Variants in CALN1 observed in about 807,000 individuals in gnomAD.
CALN1 encodes calcium-binding protein 8.
Under a neutral mutation model 30.6 loss-of-function variants are expected in CALN1, and 17 were observed. That is an observed-to-expected ratio of 0.56 (90% CI 0.38 to 0.83). The LOEUF (loss-of-function observed/expected upper bound fraction) is 0.83, where lower values mean the gene tolerates loss of function less well. CALN1 is among the 40% of genes least tolerant of loss of function. The probability of loss-of-function intolerance (pLI) is 0.00; values close to 1 mark genes in which losing one functional copy is unlikely to be tolerated. For missense variants in CALN1, 291 were observed against 354.9 expected (o/e 0.82, Z 1.45); for synonymous variants, 156 against 131.4 (o/e 1.19, Z -1.28).
intron 3 of CALN1, among the ~76,000 whole-genome samples, chr7:72,179,573 T>C (rs1789609250): frequency 6.6e-6 from 1 of 151,974 alleles, no homozygotes; most frequent in Non-Finnish European, 1.5e-5. Flanking sequence ...TAAATATATA[T>C]ATATGAATAT....
At chr7:71,948,468 G>A (rs769822192) in intron 5 of CALN1, among the ~76,000 whole-genome samples, 40 of 152,072 alleles carry the variant, frequency 2.6e-4, no homozygotes, top group Admixed American at 2.0e-4. Context: ...ATTGGCTTAT[G>A]CCTGTAATCC....
At chr7:72,064,095 G>A (rs999403644) in intron 4 of CALN1, among the ~76,000 whole-genome samples, 24 of 151,970 alleles carry the variant, frequency 1.6e-4, no homozygotes, top group African/African-American at 5.8e-4. Context: ...CCAACATGGT[G>A]AAACCCCGTC....
At chr7:71,806,972 A>C (rs1010253108) in intron 6 of CALN1, among the ~76,000 whole-genome samples, 1 of 152,198 alleles carries the variant, frequency 6.6e-6, no homozygotes, top group South Asian at 2.1e-4. Context: ...AACAGTGGGC[A>C]TAAGAACCTG....
intron 3 of CALN1, among the ~76,000 whole-genome samples, chr7:72,276,354 C>T (rs929891801): frequency 2.0e-5 from 3 of 152,232 alleles, no homozygotes; most frequent in African/African-American, 7.2e-5. Context: ...CTCCCAAACA[C>T]ACCTGCTATG....
At chr7:72,075,723 G>A (rs1804683854) in intron 4 of CALN1, among the ~76,000 whole-genome samples, 1 of 152,158 alleles carries the variant, frequency 6.6e-6, no homozygotes, top group Non-Finnish European at 1.5e-5. Context: ...GACACTGGTG[G>A]CTTCTCACTG....
rs546436399 is a variant in CALN1, at chr7:71,963,480, T to C, written c.501+60177A>G. Among the ~76,000 whole-genome samples, 3 of 152,204 alleles carry C rather than the reference T, an allele frequency of 2.0e-5. No individual in the cohort carries two copies. The South Asian group carries it at 6.2e-4, about 32-fold the overall frequency. ...CCAGCCCACACAGCTCATGTTTGTA[T>C]TTTTAGTAGAGACAGGGTTTTGCCA... On this transcript the variant is annotated intron_variant, in intron 5 of 6. Coordinates refer to ENST00000395275, the MANE Select transcript of CALN1 (RefSeq NM_031468.4).
At chr7:72,217,541 C>T (rs568830324) in intron 3 of CALN1, among the ~76,000 whole-genome samples, 7 of 152,180 alleles carry the variant, frequency 4.6e-5, no homozygotes, top group African/African-American at 7.2e-5. Context: ...GACACTAAGT[C>T]GTGCCAGATG....
chr7:72,392,876 G>T (rs148893485), intron 2 of CALN1, among the ~76,000 whole-genome samples: 1 of 152,130 alleles, frequency 6.6e-6, no homozygotes, highest in East Asian at 1.9e-4. Flanking sequence ...GCATGTACCT[G>T]CTGTCCCAGC....
chr7:72,244,506 T>G (rs1795039642), intron 3 of CALN1, among the ~76,000 whole-genome samples: 1 of 151,802 alleles, frequency 6.6e-6, no homozygotes. Flanking sequence ...GTTCCACAAT[T>G]TATTATTGGG....
intron 5 of CALN1, among the ~76,000 whole-genome samples, chr7:71,818,480 G>C (rs1292658119): frequency 6.6e-6 from 1 of 152,152 alleles, no homozygotes; most frequent in East Asian, 1.9e-4. Context: ...AGTCAGTAAA[G>C]GCCTTGTATG....
intron 3 of CALN1, among the ~76,000 whole-genome samples, chr7:72,170,587 G>C (rs1788868219): frequency 6.6e-6 from 1 of 152,192 alleles, no homozygotes; most frequent in Non-Finnish European, 1.5e-5. Context: ...CCAGAGAACA[G>C]AGAACATCAG....
At chr7:72,001,143 A>G (rs1298897172) in intron 5 of CALN1, among the ~76,000 whole-genome samples, 1 of 152,168 alleles carries the variant, frequency 6.6e-6, no homozygotes, top group African/African-American at 2.4e-5. Flanking sequence ...AAACAGGTAG[A>G]AAAACCTGAA....
intron 5 of CALN1, among the ~76,000 whole-genome samples, chr7:71,983,626 G>A (rs1584677023): frequency 6.6e-6 from 1 of 152,140 alleles, no homozygotes; most frequent in Non-Finnish European, 1.5e-5. Context: ...CTGCCTCCTG[G>A]TTCCAAGCAA....
At chr7:72,005,206 T>C (rs1011012187) in intron 5 of CALN1, among the ~76,000 whole-genome samples, 4 of 152,222 alleles carry the variant, frequency 2.6e-5, no homozygotes, top group African/African-American at 9.6e-5. Flanking sequence ...GCAGCAGCTT[T>C]ATTCATAAAA....
At chr7:72,463,008 G>T in the CALN1 span, among the ~76,000 whole-genome samples, 2 of 152,214 alleles carry the variant, frequency 1.3e-5, no homozygotes, top group African/African-American at 4.8e-5. Flanking sequence ...ACATGCACTA[G>T]GTGAGGTGCA....
chr7:72,090,318 A>G (rs910822358), intron 4 of CALN1, among the ~76,000 whole-genome samples: 6 of 152,172 alleles, frequency 3.9e-5, no homozygotes, highest in African/African-American at 1.4e-4. Context: ...AGAAAAGTAA[A>G]ATGTAAACTA....
At chr7:71,846,293 T>C (rs1790230893) in intron 5 of CALN1, among the ~76,000 whole-genome samples, 1 of 152,166 alleles carries the variant, frequency 6.6e-6, no homozygotes, top group South Asian at 2.1e-4. Flanking sequence ...GTTCTGATTC[T>C]CTTATTTTAC....
At chr7:72,253,547 A>G (rs563485558) in intron 3 of CALN1, among the ~76,000 whole-genome samples, 1 of 152,376 alleles carries the variant, frequency 6.6e-6, no homozygotes, top group South Asian at 2.1e-4. Flanking sequence ...ACCATGGCGA[A>G]GCAAGAGAAA....
intron 5 of CALN1, among the ~76,000 whole-genome samples, chr7:71,992,649 C>T (rs1211493157): frequency 6.6e-6 from 1 of 152,234 alleles, no homozygotes; most frequent in Non-Finnish European, 1.5e-5. Flanking sequence ...TAAGCCATCG[C>T]ACCCAGCAAA....
Sources: allele counts gnomAD v4.1 joint callset (sites outside exome capture counted in the v4.1 genomes callset), GRCh38; gene constraint gnomAD v4.1.1; transcripts MANE v1.5; gene names NCBI Gene and HGNC (gene_info 2026-07-23, HGNC 2026-07-21).